Variants in MBNL1 observed in about 807,000 individuals in gnomAD.
MBNL1 encodes the protein muscleblind like splicing regulator 1.
MBNL1 carries 8 observed loss-of-function variants against 42.2 expected under a neutral mutation model. The ratio of observed to expected loss-of-function variants is 0.19; its 90% CI spans 0.11 to 0.34. MBNL1 has a LOEUF of 0.34. MBNL1 is among the 10% of genes least tolerant of loss of function. The probability of loss-of-function intolerance (pLI) is 1.00; values close to 1 mark genes in which losing one functional copy is unlikely to be tolerated. For missense variants in MBNL1, 309 were observed against 495.3 expected, an observed-to-expected ratio of 0.62 and a Z score of 3.57; for synonymous variants, 169 against 173.9, an observed-to-expected ratio of 0.97 and a Z score of 0.22.
intron 1 of MBNL1, among the ~76,000 whole-genome samples, chr3:152,297,871 G>A (rs966589547): frequency 6.6e-6 from 1 of 152,020 alleles, no homozygotes; most frequent in Non-Finnish European, 1.5e-5. Context: ...GGCCAGGCTG[G>A]TCTTGAACTC....
At chr3:152,354,406 G>C (rs1487321583) in intron 2 of MBNL1, among the ~76,000 whole-genome samples, 1 of 152,126 alleles carries the variant, frequency 6.6e-6, no homozygotes, top group Non-Finnish European at 1.5e-5. Flanking sequence ...CGTGAGGCGT[G>C]GTGGTGCCAT....
Sources: gnomAD v4.1 joint callset for allele counts (sites outside exome capture counted in the v4.1 genomes callset) on GRCh38, gnomAD v4.1.1 for gene constraint, MANE v1.5 for transcripts, NCBI Gene and HGNC (gene_info 2026-07-23, HGNC 2026-07-21) for gene names.